PLA2G12B: variants seen among roughly 807,000 people sequenced by gnomAD.
The protein encoded by PLA2G12B is phospholipase A2 group XIIB, also known as group XIIB secretory phospholipase A2-like protein.
A neutral mutation model predicts 22.3 loss-of-function variants in PLA2G12B; 19 were observed. The ratio of observed to expected loss-of-function variants is 0.85; its 90% CI spans 0.60 to 1.25. The LOEUF (loss-of-function observed/expected upper bound fraction) is 1.25, where lower values mean the gene tolerates loss of function less well. Ranked by LOEUF, PLA2G12B falls within the 50% of genes most tolerant of loss-of-function variation. The pLI is 0.00. For synonymous variants in PLA2G12B, 81 were observed against 94.9 expected (o/e 0.85, Z 0.85); for missense variants, 191 against 246.6 (o/e 0.77, Z 1.51).
intron 1 of PLA2G12B, among the ~76,000 whole-genome samples, chr10:72,945,570 A>G (rs1395932584): frequency 3.9e-5 from 6 of 152,150 alleles, no homozygotes; most frequent in Admixed American, 1.3e-4. Flanking sequence ...AGTGTGTGAT[A>G]TAATCTTTGC....
chr10:72,950,193 G>A (rs1294429824), intron 1 of PLA2G12B, among the ~76,000 whole-genome samples: 2 of 152,234 alleles, frequency 1.3e-5, no homozygotes, highest in East Asian at 1.9e-4. Context: ...CCTGGTACCC[G>A]TCCCGGTGTT....
intron 1 of PLA2G12B, among the ~76,000 whole-genome samples, chr10:72,946,273 A>C (rs1250055042): frequency 6.6e-6 from 1 of 152,218 alleles, no homozygotes; most frequent in Non-Finnish European, 1.5e-5. Context: ...TACATGTTGT[A>C]GTATGTATCA....
intron 1 of PLA2G12B, among the ~76,000 whole-genome samples, chr10:72,953,476 T>C (rs1846565504): frequency 6.6e-6 from 1 of 152,250 alleles, no homozygotes; most frequent in Non-Finnish European, 1.5e-5. Flanking sequence ...GTTTTCCTGT[T>C]AGGCTAAATT....
intron 1 of PLA2G12B, among the ~76,000 whole-genome samples, chr10:72,945,413 T>C (rs1000490062): frequency 2.6e-5 from 4 of 152,076 alleles, no homozygotes; most frequent in African/African-American, 9.7e-5. Flanking sequence ...CTCCTGCCAA[T>C]AGCCACATGA....
intron 2 of PLA2G12B, among the ~76,000 whole-genome samples, chr10:72,942,397 T>C (rs1238301633): frequency 6.6e-6 from 1 of 152,188 alleles, no homozygotes; most frequent in Non-Finnish European, 1.5e-5. Context: ...CATGATGCCC[T>C]AAGCCTCAGC....
chr10:72,942,449 A>G (rs1846378144), intron 2 of PLA2G12B, among the ~76,000 whole-genome samples: 1 of 152,116 alleles, frequency 6.6e-6, no homozygotes, highest in African/African-American at 2.4e-5. Context: ...ATCCACTACC[A>G]AGGGCTTATC....
intron 3 of PLA2G12B, among the ~76,000 whole-genome samples, chr10:72,938,878 A>G (rs1045439178): frequency 6.6e-6 from 1 of 152,236 alleles, no homozygotes; most frequent in African/African-American, 2.4e-5. Context: ...CTTGACAGAA[A>G]AGTACACAGT....
intron 1 of PLA2G12B, among the ~76,000 whole-genome samples, chr10:72,953,234 A>T (rs1455130887): frequency 5.9e-5 from 9 of 152,260 alleles, no homozygotes; most frequent in Non-Finnish European, 1.0e-4. Context: ...GTTAAAACAT[A>T]GATTTTAACC....
chr10:72,943,945 A>G (rs1384443788), intron 1 of PLA2G12B, among the ~76,000 whole-genome samples: 1 of 152,168 alleles, frequency 6.6e-6, no homozygotes, highest in Non-Finnish European at 1.5e-5. Context: ...AGTAAGGCAT[A>G]TGACAGTTTC....
Position 72,954,512 on chromosome 10 carries a change from T to A in PLA2G12B, c.174A>T (p.Gly58=), listed in dbSNP as rs775477821. Residue 58 remains glycine (G), a synonymous_variant, in exon 1 of 4, where the codon GGA becomes GGT. Coordinates refer to ENST00000373032, the MANE Select transcript of PLA2G12B (RefSeq NM_032562.5). ...TGTACTGACAGACTCCATTCTTCCCTCCCAGCAGCTCCAGAAAAGAATCGA... is the reference window on the plus strand; with the variant it reads ...TGTACTGACAGACTCCATTCTTCCCACCCAGCAGCTCCAGAAAAGAATCGA... ...SYFDSFLELL[G]GKNGVCQYRC... is the part of the protein sequence containing the mutation. 17 of 1,614,000 alleles carry A rather than the reference T, an allele frequency of 1.1e-5. No homozygotes were observed. Among genetic ancestry groups the A allele is most frequent in the Non-Finnish European group, 1.3e-5 (15 of 1,180,034 alleles).
At chr10:72,942,944 T>C (rs930566901) in intron 1 of PLA2G12B, among the ~76,000 whole-genome samples, 12 of 151,664 alleles carry the variant, frequency 7.9e-5, no homozygotes, top group Non-Finnish European at 1.8e-4. Flanking sequence ...CTTTTTCCCC[T>C]AATCTCAAAA....
intron 1 of PLA2G12B, among the ~76,000 whole-genome samples, chr10:72,951,180 T>A (rs935230405): frequency 5.3e-5 from 8 of 152,176 alleles, no homozygotes; most frequent in African/African-American, 1.9e-4. Flanking sequence ...ATTAGTAACA[T>A]TATTTTTACA....
chr10:72,935,569 G>A lies in PLA2G12B; in HGVS notation c.*48C>T, dbSNP rs1846267335. 6.2e-7 allele frequency: 1 copy of A among 1,607,002 alleles called. No individual in the cohort carries two copies. The highest frequency in any genetic ancestry group is 1.3e-5 in the African/African-American group (1 of 74,908). ...GACTCGAAGACTTGACATCTTGAAG[G>A]CTGACAGCTGTGGTGTCACTCAAAA... On this transcript the variant is annotated 3_prime_UTR_variant, in exon 4 of 4. Coordinates refer to ENST00000373032, the MANE Select transcript of PLA2G12B (RefSeq NM_032562.5).
intron 1 of PLA2G12B, among the ~76,000 whole-genome samples, chr10:72,950,833 T>C (rs1846518610): frequency 6.6e-6 from 1 of 152,230 alleles, no homozygotes; most frequent in African/African-American, 2.4e-5. Flanking sequence ...CAGGATCTTT[T>C]ATTAAAGTGT....
Position 72,954,495 on chromosome 10 carries a change from C to T in PLA2G12B, c.191G>A (p.Cys64Tyr), listed in dbSNP as rs1846585205. ...LELLGGKNGV[C>Y]QYRCRYGKAP... is the part of the protein sequence containing the mutation. ...CTCACCATATCGGCACCTGTACTGACAGACTCCATTCTTCCCTCCCAGCAG... is the reference window on the plus strand; with the variant it reads ...CTCACCATATCGGCACCTGTACTGATAGACTCCATTCTTCCCTCCCAGCAG... Residue 64 changes from cysteine to tyrosine, a missense_variant, in exon 1 of 4, where the codon TGT becomes TAT. Transcript: ENST00000373032. 5 of 1,614,106 alleles carry T rather than the reference C, an allele frequency of 3.1e-6. No homozygotes were observed. The highest frequency in any genetic ancestry group is 4.2e-6 in the Non-Finnish European group (5 of 1,180,056).
intron 3 of PLA2G12B, 96 bp from the exon 4 acceptor site, chr10:72,935,834 G>C: frequency 7.1e-7 from 1 of 1,417,334 alleles, no homozygotes; most frequent in South Asian, 1.4e-5. Context: ...AGTAGAGACA[G>C]TAATCCAAAT....
intron 3 of PLA2G12B, among the ~76,000 whole-genome samples, chr10:72,939,201 T>C (rs917026214): frequency 6.6e-6 from 1 of 152,172 alleles, no homozygotes; most frequent in Non-Finnish European, 1.5e-5. Context: ...TTTAAAAGCA[T>C]TTAAGTGGGT....
At chr10:72,941,033 G>T in intron 3 of PLA2G12B, 136 bp downstream of exon 3, 2 of 978,462 alleles carry the variant, frequency 2.0e-6, no homozygotes, top group Non-Finnish European at 2.9e-6. Context: ...ACCATTTCTT[G>T]CTCAGCCACA....
intron 3 of PLA2G12B, among the ~76,000 whole-genome samples, chr10:72,936,974 G>T (rs1316216142): frequency 6.6e-6 from 1 of 152,186 alleles, no homozygotes; most frequent in Non-Finnish European, 1.5e-5. Context: ...GCCGAAGCAG[G>T]CAGATCACGA....
Sources: allele counts gnomAD v4.1 joint callset (sites outside exome capture counted in the v4.1 genomes callset), GRCh38; gene constraint gnomAD v4.1.1; transcripts MANE v1.5; gene names NCBI Gene and HGNC (gene_info 2026-07-23, HGNC 2026-07-21).